Variants in WNT7A observed in about 807,000 individuals in gnomAD.
The protein encoded by WNT7A is protein Wnt-7a.
In WNT7A, 16 loss-of-function variants were observed where a neutral mutation model predicts 28.2. The observed-to-expected ratio is 0.57, with a 90% CI of 0.38 to 0.86. WNT7A has a LOEUF of 0.86. Ranked by LOEUF, WNT7A falls within the 40% of genes least tolerant of loss-of-function variation. The probability of loss-of-function intolerance (pLI) is 0.00; values close to 1 mark genes in which losing one functional copy is unlikely to be tolerated. For missense variants in WNT7A, 411 were observed against 489.7 expected (o/e 0.84, Z 1.52); for synonymous variants, 190 against 195.9 (o/e 0.97, Z 0.25).
rs1342921513 is a variant in WNT7A, at chr3:13,819,040, G to T, written c.954C>A (p.Tyr318Ter). ...TACAGTTGCACTGCCACACGCGGGC[G>T]TACTGGTGGGTGTTGTAGCCACGCC... ...CCGRGYNTHQ[Y>*]ARVWQCNCKF... The change falls in exon 4 of 4, where the codon TAC (tyrosine) becomes TAA (stop). Residue 318 changes from tyrosine (Y) to a stop codon, truncating the protein, a stop_gained. Transcript: ENST00000285018. LOFTEE classifies it high-confidence loss of function. 8 of 1,613,450 alleles carry T rather than the reference G, an allele frequency of 5.0e-6. No homozygotes were observed. Among genetic ancestry groups the T allele is most frequent in the Non-Finnish European group, 6.8e-6 (8 of 1,179,476 alleles).
chr3:13,828,483 A>G (rs952182446), intron 3 of WNT7A, among the ~76,000 whole-genome samples: 16 of 152,200 alleles, frequency 1.1e-4, no homozygotes, highest in African/African-American at 3.9e-4. Context: ...TCTACCCATT[A>G]CAACTTAAAG....
At chr3:13,867,404 A>AG (rs773171602) in intron 2 of WNT7A, among the ~76,000 whole-genome samples, 1 of 152,130 alleles carries the variant, frequency 6.6e-6, no homozygotes, top group Non-Finnish European at 1.5e-5. Flanking sequence ...CCCTCTAGCA[A>AG]GGGGGGACTC....
intron 2 of WNT7A, among the ~76,000 whole-genome samples, chr3:13,869,208 AAG>A (rs1357024302): frequency 2.1e-3 from 11 of 5,138 alleles, no homozygotes; most frequent in South Asian, 0.01. Context: ...GGAAGGGAGA[AAG>A]AGAGAAAGAA....
chr3:13,860,977 T>C (rs192885507), intron 2 of WNT7A, among the ~76,000 whole-genome samples: 278 of 152,302 alleles, frequency 1.8e-3, no homozygotes, highest in African/African-American at 6.3e-3. Context: ...AGATCTACAA[T>C]ATATGGCAAC....
intron 1 of WNT7A, among the ~76,000 whole-genome samples, chr3:13,875,727 C>A (rs186258968): frequency 1.3e-5 from 2 of 152,168 alleles, no homozygotes; most frequent in Admixed American, 1.3e-4. Context: ...GGAAAAAAAA[C>A]TTAAAAAGTA....
At chr3:13,875,306 C>A (rs1695095095) in intron 1 of WNT7A, 133 bp from the exon 2 acceptor site, 2 of 800,588 alleles carry the variant, frequency 2.5e-6, no homozygotes, top group Admixed American at 4.1e-5. Flanking sequence ...TGATCCTGCA[C>A]CCCTAACTCA....
intron 3 of WNT7A, among the ~76,000 whole-genome samples, chr3:13,825,402 T>C (rs150398444): frequency 7.9e-4 from 120 of 152,268 alleles, no homozygotes; most frequent in African/African-American, 2.7e-3. Context: ...CCAATTGCCC[T>C]CCAAGGGAGG....
chr3:13,820,947 G>A (rs1454747573), intron 3 of WNT7A, among the ~76,000 whole-genome samples: 2 of 152,182 alleles, frequency 1.3e-5, no homozygotes, highest in Non-Finnish European at 1.5e-5. Context: ...AGTACCTCCT[G>A]TAGGCAGCAG....
chr3:13,861,422 G>A lies in WNT7A; in HGVS notation c.299-6619C>T, dbSNP rs149469051. On this transcript the variant is annotated intron_variant, in intron 2 of 3. Coordinates refer to ENST00000285018, the MANE Select transcript of WNT7A (RefSeq NM_004625.4). The stretch of plus-strand genomic sequence containing the variant: ...CTACTATGTGCCAGGCACTGTTCTA[G>A]GGCATGAGGAAACTCAGATGAGGAG... Among the ~76,000 whole-genome samples, 382 of 152,374 alleles carry A rather than the reference G, an allele frequency of 2.5e-3. 2 individuals carry two copies. Among genetic ancestry groups the A allele is most frequent in the South Asian group, 0.012 (59 of 4,826 alleles).
intron 3 of WNT7A, among the ~76,000 whole-genome samples, chr3:13,834,447 G>A (rs1050679062): frequency 6.6e-6 from 1 of 152,118 alleles, no homozygotes; most frequent in African/African-American, 2.4e-5. Flanking sequence ...TTGGGTGCGT[G>A]CTGGGAGTCG....
intron 2 of WNT7A, among the ~76,000 whole-genome samples, chr3:13,868,696 G>GAA (rs1410625077): frequency 1.3e-3 from 33 of 26,252 alleles, no homozygotes; most frequent in African/African-American, 4.8e-3. Context: ...GAGAGAGAAA[G>GAA]AAAGAAAGAA....
intron 3 of WNT7A, among the ~76,000 whole-genome samples, chr3:13,842,621 T>A (rs1298811773): frequency 6.6e-6 from 1 of 152,040 alleles, no homozygotes; most frequent in Non-Finnish European, 1.5e-5. Context: ...ATGTGGGGTG[T>A]GAAAGAAAGA....
chr3:13,824,016 G>T (rs539285403), intron 3 of WNT7A, among the ~76,000 whole-genome samples: 1 of 152,300 alleles, frequency 6.6e-6, no homozygotes, highest in East Asian at 1.9e-4. Flanking sequence ...CAGCCCCAGG[G>T]TGCTGCACCA....
intron 3 of WNT7A, among the ~76,000 whole-genome samples, chr3:13,832,783 C>T (rs532312657): frequency 1.3e-5 from 2 of 152,230 alleles, no homozygotes; most frequent in South Asian, 4.1e-4. Context: ...AGGTGCACCC[C>T]ATAGGACAGG....
rs1278248226 is a variant in WNT7A at position 13,818,714 on chromosome 3, A to T, written c.*230T>A. On this transcript the variant is annotated 3_prime_UTR_variant, in exon 4 of 4. Coordinates refer to ENST00000285018, the MANE Select transcript of WNT7A (RefSeq NM_004625.4). ...AAGGCTTCGCTCCAGCCGCGGAGGG[A>T]CCTGGGCTGTGTCTGGGGGAGGGTG... 1.8e-6 allele frequency: 1 copy of T among 563,104 alleles called. No individual in the cohort carries two copies. Among genetic ancestry groups the T allele is most frequent in the African/African-American group, 1.9e-5 (1 of 53,010 alleles). The allele number at this position is 563,104 out of a possible 1,614,324, so 34.9% of individuals were successfully genotyped here.
At chr3:13,828,749 C>T (rs1694235885) in intron 3 of WNT7A, among the ~76,000 whole-genome samples, 1 of 152,206 alleles carries the variant, frequency 6.6e-6, no homozygotes. Context: ...CCTGGCTCCT[C>T]TGCAGGGAGT....
Position 13,821,886 on chromosome 3 carries a change from T to C in WNT7A, c.571-2463A>G, listed in dbSNP as rs372360788. Among the ~76,000 whole-genome samples the C allele has an allele frequency of 2.6e-4, 39 of 152,356 alleles. 1 individual carries two copies. The Middle Eastern group carries it at 0.01, about 40-fold the overall frequency. ...TTACATGGATCATGCTTTGTAACTATTCTTTTAAGTGAACAGGGATGCTTT... is the reference window on the plus strand; with the variant it reads ...TTACATGGATCATGCTTTGTAACTACTCTTTTAAGTGAACAGGGATGCTTT... On this transcript the variant is annotated intron_variant, in intron 3 of 3. Transcript: ENST00000285018.
intron 3 of WNT7A, among the ~76,000 whole-genome samples, chr3:13,831,699 C>T (rs942443965): frequency 1.3e-5 from 2 of 152,128 alleles, no homozygotes; most frequent in Admixed American, 1.3e-4. Flanking sequence ...TGGGCAGCCC[C>T]CCAGCCAAAG....
At chr3:13,865,728 G>C (rs1694900899) in intron 2 of WNT7A, among the ~76,000 whole-genome samples, 1 of 152,178 alleles carries the variant, frequency 6.6e-6, no homozygotes, top group Non-Finnish European at 1.5e-5. Context: ...AGGTAGAAAG[G>C]AGCTGGCCTG....
Sources: gnomAD v4.1 joint callset for allele counts (sites outside exome capture counted in the v4.1 genomes callset) on GRCh38, gnomAD v4.1.1 for gene constraint, MANE v1.5 for transcripts, NCBI Gene and HGNC (gene_info 2026-07-23, HGNC 2026-07-21) for gene names.